Variants in SYNJ1 observed in about 807,000 individuals in gnomAD.
SYNJ1 encodes polyphosphatidylinositol phosphatase SYNJ1.
SYNJ1 carries 78 observed loss-of-function variants against 168.2 expected under a neutral mutation model. That is an observed-to-expected ratio of 0.46 (90% CI 0.39 to 0.56). The LOEUF is 0.56. Ranked by LOEUF, SYNJ1 falls within the 20% of genes least tolerant of loss-of-function variation. SYNJ1 has a pLI of 0.00. For missense variants in SYNJ1, 1,303 were observed against 1,597.6 expected (o/e 0.82, Z 3.14); for synonymous variants, 539 against 548.6 (o/e 0.98, Z 0.24).
intron 2 of SYNJ1, among the ~76,000 whole-genome samples, chr21:32,707,283 CTTTTT>C (rs367843525): frequency 2.3e-5 from 3 of 130,588 alleles, no homozygotes; most frequent in African/African-American, 8.7e-5. Flanking sequence ...TTTCTTTTTC[CTTTTT>C]TTTTTTTTTT....
At position 32,727,760 on chromosome 21, in the gene SYNJ1, G is replaced by A. The variant is rs1212772614; in HGVS notation, c.-23+186C>T. On this transcript the variant is annotated intron_variant, in intron 1 of 32. Transcript: ENST00000674351. ...TCACCACAGCCCCCAGCCTGACGCGGCACCCCGCACAACCAGTGGTCTGCT... is the reference window on the plus strand; with the variant it reads ...TCACCACAGCCCCCAGCCTGACGCGACACCCCGCACAACCAGTGGTCTGCT... The A allele has an allele frequency of 1.2e-5, 15 of 1,272,388 alleles. No homozygotes were observed. The East Asian group carries it at 2.7e-4, about 23-fold the overall frequency. The allele number at this position is 1,272,388 out of a possible 1,614,324, so 78.8% of individuals were successfully genotyped here.
intron 14 of SYNJ1, among the ~76,000 whole-genome samples, chr21:32,672,385 G>C (rs1250138742): frequency 1.3e-5 from 2 of 150,944 alleles, no homozygotes; most frequent in Non-Finnish European, 2.9e-5. Flanking sequence ...TTGTCACCCA[G>C]GCTGGATGCA....
chr21:32,706,831 T>C lies in SYNJ1; in HGVS notation c.125-4784A>G, dbSNP rs1425528652. Among the ~76,000 whole-genome samples, 5 of 152,238 alleles carry C rather than the reference T, an allele frequency of 3.3e-5. No individual in the cohort carries two copies. In the South Asian group the frequency reaches 1.0e-3, roughly 32 times the overall value. On this transcript the variant is annotated intron_variant, in intron 2 of 32. Coordinates refer to ENST00000674351, the MANE Select transcript of SYNJ1 (RefSeq NM_203446.3). The stretch of plus-strand genomic sequence containing the variant: ...AATTTCTGCCCCACTTCTCTGATAA[T>C]TTAATTCCAGAAAATTATTTTAGAA...
intron 14 of SYNJ1, among the ~76,000 whole-genome samples, chr21:32,672,081 A>G (rs902480762): frequency 1.0e-5 from 1 of 96,108 alleles, no homozygotes; most frequent in Non-Finnish European, 2.2e-5. Context: ...AAAAAAAAAA[A>G]AAAGAAAAAG....
intron 18 of SYNJ1, among the ~76,000 whole-genome samples, chr21:32,661,047 G>A (rs2040679251): frequency 6.6e-6 from 1 of 152,102 alleles, no homozygotes; most frequent in South Asian, 2.1e-4. Context: ...CCTATTCTAA[G>A]GAAGAAAAAG....
intron 9 of SYNJ1, 52 bp from the exon 10 acceptor site, chr21:32,684,171 C>G (rs773762426): frequency 6.5e-6 from 10 of 1,537,806 alleles, no homozygotes; most frequent in Non-Finnish European, 9.0e-6. Flanking sequence ...AAAGCTAAAA[C>G]AAACAGTGAA....
intron 2 of SYNJ1, among the ~76,000 whole-genome samples, chr21:32,702,436 T>C (rs1000715018): frequency 2.4e-4 from 36 of 152,230 alleles, no homozygotes; most frequent in African/African-American, 8.0e-4. Context: ...TTTGCCTTGA[T>C]TTATTTCTTC....
intron 6 of SYNJ1, among the ~76,000 whole-genome samples, chr21:32,693,025 T>C (rs1368865753): frequency 6.6e-6 from 1 of 151,986 alleles, no homozygotes; most frequent in East Asian, 1.9e-4. Context: ...AGTGAGACCC[T>C]GTCTCAAATA....
rs566024693 is a variant in SYNJ1, at chr21:32,638,258, G to A, written c.3915+650C>T. ...TAGTTCTTTAATTTGTAGAGACAAG[G>A]TTTCTCTATGTTGCCCAGGCTGGTC... On this transcript the variant is annotated intron_variant, in intron 31 of 32. Coordinates refer to ENST00000674351, the MANE Select transcript of SYNJ1 (RefSeq NM_203446.3). 5.3e-5 allele frequency among the ~76,000 whole-genome samples: 8 copies of A among 152,230 alleles called. No individual in the cohort carries two copies. The East Asian group carries it at 1.5e-3, about 29-fold the overall frequency.
At position 32,657,790 on chromosome 21, in the gene SYNJ1, C is replaced by A; in HGVS notation, c.2387G>T (p.Ser796Ile). The A allele has an allele frequency of 6.2e-7, 1 of 1,614,176 alleles. No individual in the cohort carries two copies. The highest frequency in any genetic ancestry group is 8.5e-7 in the Non-Finnish European group (1 of 1,180,020). The part of the protein sequence containing the change: ...YDLFSDDYDT[S>I]EKCRTPAWTD... ...CCAGGCAGGGGTGCGGCACTTTTCA[C>A]TGGTGTCATAGTCGTCAGAAAACAA... The change falls in exon 19 of 33, where the codon AGT becomes ATT. Residue 796 changes from serine (S) to isoleucine (I), a missense_variant. Physicochemically the swap from Ser to Ile is moderately radical, Grantham distance 142. Around this residue, in one of 2 missense-constraint regions of SYNJ1, gnomAD observed 920 missense variants for 1,208.8 expected, o/e 0.76. Transcript: ENST00000674351.
At chr21:32,707,203 G>A (rs1216596157) in intron 2 of SYNJ1, among the ~76,000 whole-genome samples, 1 of 151,760 alleles carries the variant, frequency 6.6e-6, no homozygotes, top group East Asian at 1.9e-4. Flanking sequence ...CACTCTAGCT[G>A]GAGGTAAATC....
intron 2 of SYNJ1, among the ~76,000 whole-genome samples, chr21:32,721,444 T>A (rs1238157047): frequency 6.6e-6 from 1 of 152,090 alleles, no homozygotes; most frequent in Non-Finnish European, 1.5e-5. Context: ...TTTGGGAAGC[T>A]GAGGTGGGTG....
intron 11 of SYNJ1, among the ~76,000 whole-genome samples, chr21:32,680,897 G>A (rs1281082743): frequency 6.6e-6 from 1 of 152,140 alleles, no homozygotes; most frequent in Admixed American, 6.5e-5. Context: ...GATTATAGGC[G>A]TCAGCCACCA....
intron 32 of SYNJ1, among the ~76,000 whole-genome samples, chr21:32,632,122 T>A (rs1359403333): frequency 6.6e-6 from 1 of 152,212 alleles, no homozygotes; most frequent in Non-Finnish European, 1.5e-5. Flanking sequence ...TCATGCCCAG[T>A]TCTATCACAT....
At position 32,676,896 on chromosome 21, in the gene SYNJ1, C is replaced by T. The variant is rs138215078; in HGVS notation, c.1511-541G>A. 4.6e-5 allele frequency among the ~76,000 whole-genome samples: 7 copies of T among 152,208 alleles called. No individual in the cohort carries two copies. The East Asian group carries it at 5.8e-4, about 13-fold the overall frequency. On this transcript the variant is annotated intron_variant, in intron 12 of 32. Transcript: ENST00000674351. The stretch of plus-strand genomic sequence containing the variant: ...TGGGAAAAATGGGGTTGGGGTACCA[C>T]GTTCAAAAACTTCAACAATGACACA...
chr21:32,628,933 AAC>A lies in SYNJ1; in HGVS notation c.*2870_*2871del, dbSNP rs2039221331. ...ATATAAACAGCAATCTAATATAGAG[AAC>A]ACAGAGTTCACAAAGAGATCCTTAG... On this transcript the variant is annotated 3_prime_UTR_variant, in exon 33 of 33. Transcript: ENST00000674351. The A allele has an allele frequency of 6.5e-6, 1 of 152,678 alleles. No homozygotes were observed. The highest frequency in any genetic ancestry group is 1.5e-5 in the Non-Finnish European group (1 of 68,040). 9.5% of individuals were successfully genotyped at this position (152,678 alleles called of 1,614,324 possible).
chr21:32,712,711 T>A (rs893638797), intron 2 of SYNJ1, among the ~76,000 whole-genome samples: 1 of 152,158 alleles, frequency 6.6e-6, no homozygotes, highest in African/African-American at 2.4e-5. Flanking sequence ...AATGCAAAAT[T>A]ATAAATTATA....
At chr21:32,712,102 T>C (rs1226851467) in intron 2 of SYNJ1, among the ~76,000 whole-genome samples, 3 of 152,260 alleles carry the variant, frequency 2.0e-5, no homozygotes, top group Non-Finnish European at 4.4e-5. Context: ...AGTCTGAGAA[T>C]ACACTGTTCT....
intron 17 of SYNJ1, among the ~76,000 whole-genome samples, chr21:32,665,655 A>T (rs2040897516): frequency 6.6e-6 from 1 of 152,170 alleles, no homozygotes; most frequent in Non-Finnish European, 1.5e-5. Flanking sequence ...GGTCTCCCTA[A>T]AATGTATAAA....
Sources: gnomAD v4.1 joint callset for allele counts (sites outside exome capture counted in the v4.1 genomes callset) on GRCh38, gnomAD v4.1.1 for gene constraint, gnomAD v4.1.1 regional missense constraint, MANE v1.5 for transcripts, NCBI Gene and HGNC (gene_info 2026-07-23, HGNC 2026-07-21) for gene names.